Variants in SWT1 observed in about 807,000 individuals in gnomAD.
SWT1 encodes SWT1 RNA endoribonuclease homolog.
Under a neutral mutation model 107.3 loss-of-function variants are expected in SWT1, and 33 were observed. That is an observed-to-expected ratio of 0.31 (90% CI 0.23 to 0.41). SWT1 has a LOEUF of 0.41. SWT1 is among the 10% of genes least tolerant of loss of function. SWT1 has a pLI of 1.00. For synonymous variants in SWT1, 345 were observed against 348.3 expected, an observed-to-expected ratio of 0.99 and a Z score of 0.11; for missense variants, 898 against 1,028.9, an observed-to-expected ratio of 0.87 and a Z score of 1.74.
chr1:185,184,190 CATT>C (rs1372694690), intron 7 of SWT1, 50 bp from the exon 8 acceptor site: 3 of 883,850 alleles, frequency 3.4e-6, no homozygotes, highest in African/African-American at 3.5e-5. Context: ...AAATTTTAGT[CATT>C]ATATAAGTCT....
At chr1:185,186,879 C>T (rs939689894) in intron 9 of SWT1, among the ~76,000 whole-genome samples, 3 of 151,178 alleles carry the variant, frequency 2.0e-5, no homozygotes, top group Admixed American at 6.6e-5. Flanking sequence ...CTCAGCCTCC[C>T]AAGTAGCTGG....
chr1:185,259,340 A>G (rs145907101), intron 16 of SWT1, among the ~76,000 whole-genome samples: 131 of 152,290 alleles, frequency 8.6e-4, no homozygotes, highest in Non-Finnish European at 1.7e-3. Context: ...TCAGCAATCA[A>G]TAGGTGCAGG....
intron 16 of SWT1, among the ~76,000 whole-genome samples, chr1:185,240,193 T>C (rs1661170664): frequency 6.6e-6 from 1 of 152,090 alleles, no homozygotes; most frequent in African/African-American, 2.4e-5. Context: ...TTTATGTTTG[T>C]ATTTCACCTT....
intron 1 of SWT1, among the ~76,000 whole-genome samples, chr1:185,159,049 G>GT (rs1371730024): frequency 2.6e-5 from 4 of 152,172 alleles, no homozygotes; most frequent in African/African-American, 4.8e-5. Flanking sequence ...TCCATGGGCT[G>GT]TTTGAGTGTC....
intron 9 of SWT1, 68 bp downstream of exon 9, chr1:185,184,999 G>C (rs1448317710): frequency 1.8e-6 from 2 of 1,119,812 alleles, no homozygotes; most frequent in African/African-American, 3.2e-5. Context: ...TTATTGGAGG[G>C]AAATGGTGCA....
chr1:185,177,511 AT>A (rs1655668650), intron 5 of SWT1, among the ~76,000 whole-genome samples: 1 of 152,326 alleles, frequency 6.6e-6, no homozygotes, highest in African/African-American at 2.4e-5. Context: ...GCTTAAAGTC[AT>A]TTAGACACAG....
At chr1:185,171,426 A>G (rs942749547) in intron 4 of SWT1, 1 of 246,424 alleles carries the variant, frequency 4.1e-6, no homozygotes, top group Non-Finnish European at 8.3e-6. Flanking sequence ...ACGCACGTCC[A>G]ATCACGTAGA....
chr1:185,287,021 C>T (rs1044294577), intron 18 of SWT1, among the ~76,000 whole-genome samples: 11 of 151,682 alleles, frequency 7.3e-5, no homozygotes, highest in Admixed American at 2.0e-4. Flanking sequence ...TTTTATTTGA[C>T]GTACACATTG....
chr1:185,273,443 C>G (rs1250644055), intron 17 of SWT1, among the ~76,000 whole-genome samples: 1 of 151,346 alleles, frequency 6.6e-6, no homozygotes, highest in African/African-American at 2.4e-5. Context: ...TGGCTCATGC[C>G]TGTAATCCCA....
At chr1:185,261,900 A>G (rs932979955) in intron 16 of SWT1, among the ~76,000 whole-genome samples, 7 of 152,156 alleles carry the variant, frequency 4.6e-5, no homozygotes, top group African/African-American at 1.7e-4. Context: ...TATTGTCAAA[A>G]GTCTCTGCAT....
chr1:185,172,407 T>G (rs1655151516), intron 4 of SWT1, among the ~76,000 whole-genome samples: 1 of 152,210 alleles, frequency 6.6e-6, no homozygotes, highest in Non-Finnish European at 1.5e-5. Flanking sequence ...AACATCCTTT[T>G]AAAAAACTGT....
At chr1:185,211,831 A>G (rs1658834314) in intron 13 of SWT1, among the ~76,000 whole-genome samples, 1 of 152,210 alleles carries the variant, frequency 6.6e-6, no homozygotes, top group African/African-American at 2.4e-5. Flanking sequence ...GATAGACTGG[A>G]TTAAGAAAAT....
rs1268282695 is a variant in SWT1 at position 185,220,247 on chromosome 1, C to CT, written c.2122-1591dup. On this transcript the variant is annotated intron_variant, in intron 14 of 18. Transcript: ENST00000367500. ...TTGTCTCTTTTTCTTTTCTTTCTTT[C>CT]TTTTTTTTTTTGCCAACTGCACAAG... 6.5e-3 allele frequency among the ~76,000 whole-genome samples: 550 copies of CT among 84,826 alleles called. 4 individuals carry two copies. Among genetic ancestry groups the CT allele is most frequent in the Middle Eastern group, 0.032 (5 of 156 alleles). The allele number at this position is 84,826 out of a possible 152,430, so 55.6% of individuals were successfully genotyped here.
chr1:185,256,831 C>T (rs1174847545), intron 16 of SWT1, among the ~76,000 whole-genome samples: 15 of 152,306 alleles, frequency 9.8e-5, no homozygotes, highest in African/African-American at 2.2e-4. Context: ...TGAGGAACTG[C>T]GTTCCTTTGG....
chr1:185,271,636 A>C (rs938120192), intron 17 of SWT1, among the ~76,000 whole-genome samples: 3 of 152,186 alleles, frequency 2.0e-5, no homozygotes, highest in Non-Finnish European at 2.9e-5. Flanking sequence ...TTCTGTAGGT[A>C]AGTAAATTAA....
intron 16 of SWT1, among the ~76,000 whole-genome samples, chr1:185,268,957 A>G (rs1396860554): frequency 6.9e-6 from 1 of 145,896 alleles, no homozygotes; most frequent in Non-Finnish European, 1.5e-5. Flanking sequence ...GGTTCACGCC[A>G]TTCTCCTGCC....
At chr1:185,219,527 A>G (rs1025839066) in intron 14 of SWT1, among the ~76,000 whole-genome samples, 2 of 152,184 alleles carry the variant, frequency 1.3e-5, no homozygotes, top group Non-Finnish European at 2.9e-5. Context: ...CTTTGAAATA[A>G]TCATTTTATC....
intron 9 of SWT1, among the ~76,000 whole-genome samples, chr1:185,186,840 C>A (rs1426023971): frequency 6.6e-6 from 1 of 151,654 alleles, no homozygotes; most frequent in African/African-American, 2.4e-5. Context: ...CTGCAACCTC[C>A]ACCTCCCGGG....
chr1:185,201,990 G>T (rs576753314), intron 10 of SWT1, among the ~76,000 whole-genome samples: 3 of 152,126 alleles, frequency 2.0e-5, no homozygotes, highest in Admixed American at 6.5e-5. Flanking sequence ...TCGTAGTAGG[G>T]TTAGTGTGAC....
Sources: gnomAD v4.1 joint callset for allele counts (sites outside exome capture counted in the v4.1 genomes callset) on GRCh38, gnomAD v4.1.1 for gene constraint, MANE v1.5 for transcripts, NCBI Gene and HGNC (gene_info 2026-07-23, HGNC 2026-07-21) for gene names.